The following POLDIP3 variants were observed in gnomAD, a reference collection of about 807,000 sequenced individuals.
POLDIP3 encodes DNA polymerase delta interacting protein 3.
POLDIP3 carries 14 observed loss-of-function variants against 45.1 expected under a neutral mutation model. The observed-to-expected ratio is 0.31, with a 90% CI of 0.20 to 0.49. POLDIP3 has a LOEUF of 0.49. POLDIP3 is among the 20% of genes least tolerant of loss of function. The probability of loss-of-function intolerance (pLI) is 0.99; values close to 1 mark genes in which losing one functional copy is unlikely to be tolerated. For synonymous variants in POLDIP3, 223 were observed against 205.2 expected (o/e 1.09, Z -0.74); for missense variants, 511 against 538.8 (o/e 0.95, Z 0.51).
rs1173295918 is a variant in POLDIP3, at chr22:42,585,907, C to T, written c.1150G>A (p.Ala384Thr). The T allele has an allele frequency of 4.3e-6, 7 of 1,613,280 alleles. No homozygotes were observed. The highest frequency in any genetic ancestry group is 1.3e-5 in the African/African-American group (1 of 74,878). ...TCGGCAGGGGGGTTGGAGGAGGAGG[C>T]AGAGTTCACCCTGCGAGGCAGCTCG... Reference protein sequence around the residue: ...ESELPRRVNSASSSNPPAEVD... With the variant: ...ESELPRRVNSTSSSNPPAEVD... The change falls in exon 9 of 9, where the codon GCC becomes ACC. Residue 384 changes from alanine to threonine, a missense_variant. This residue lies in a region of POLDIP3 where 45 missense variants were observed against 34.3 expected (regional missense o/e 1.31). Coordinates refer to ENST00000252115, the MANE Select transcript of POLDIP3 (RefSeq NM_032311.5).
intron 7 of POLDIP3, among the ~76,000 whole-genome samples, chr22:42,587,839 G>C (rs1423585459): frequency 6.6e-6 from 1 of 152,174 alleles, no homozygotes. Flanking sequence ...GGAAGTGAGG[G>C]AGAAACGAGA....
At position 42,585,919 on chromosome 22, in the gene POLDIP3, T is replaced by A; in HGVS notation, c.1138A>T (p.Arg380Trp). Residue 380 changes from arginine to tryptophan, a missense_variant, in exon 9 of 9, where the codon AGG (arginine) becomes TGG (tryptophan). Physicochemically the swap from Arg to Trp is moderately radical, Grantham distance 101 (BLOSUM62 -3). This residue lies in a region of POLDIP3 where 45 missense variants were observed against 34.3 expected (regional missense o/e 1.31). Coordinates refer to ENST00000252115, the MANE Select transcript of POLDIP3 (RefSeq NM_032311.5). ...SMKKESELPR[R>W]VNSASSSNPP... is the part of the protein sequence containing the mutation. Reference sequence around the variant, plus strand: ...TTGGAGGAGGAGGCAGAGTTCACCCTGCGAGGCAGCTCGCTCTCCTTTTTC... The same window carrying A: ...TTGGAGGAGGAGGCAGAGTTCACCCAGCGAGGCAGCTCGCTCTCCTTTTTC... 6.2e-7 allele frequency: 1 copy of A among 1,613,580 alleles called. No individual in the cohort carries two copies. The highest frequency in any genetic ancestry group is 1.1e-5 in the South Asian group (1 of 91,034).
intron 8 of POLDIP3, among the ~76,000 whole-genome samples, chr22:42,586,846 C>A (rs1226799409): frequency 6.6e-6 from 1 of 152,176 alleles, no homozygotes; most frequent in Admixed American, 6.5e-5. Context: ...ACAGTCTCAA[C>A]ATTTTATGCA....
chr22:42,612,436 C>T (rs894034350), intron 1 of POLDIP3, among the ~76,000 whole-genome samples: 13 of 152,212 alleles, frequency 8.5e-5, no homozygotes, highest in African/African-American at 3.1e-4. Context: ...CAGTGCTCAC[C>T]TATGCTCCAG....
At chr22:42,586,044 G>A in intron 8 of POLDIP3, 76 bp from the exon 9 acceptor site, 1 of 1,395,382 alleles carries the variant, frequency 7.2e-7, no homozygotes, top group Non-Finnish European at 9.7e-7. Context: ...CATTTACTGG[G>A]CATCTGTCAT....
At position 42,584,458 on chromosome 22, in the gene POLDIP3, T is replaced by C. The variant is rs1925170193; in HGVS notation, c.*1333A>G. 1 of 170,812 alleles carries C rather than the reference T, an allele frequency of 5.9e-6. No homozygotes were observed. Among genetic ancestry groups the C allele is most frequent in the Non-Finnish European group, 1.3e-5 (1 of 78,022 alleles). 10.6% of individuals were successfully genotyped at this position (170,812 alleles called of 1,614,324 possible). A position where few individuals can be genotyped will look rare whatever the true frequency, so the allele number is the denominator to read the frequency against. ...AAATCTTGGGAGCTCTTGAGTATCT[T>C]CGGCATGTGCCTTTTCCAGCACTTG... On this transcript the variant is annotated 3_prime_UTR_variant, in exon 9 of 9. Transcript: ENST00000252115.
At chr22:42,597,584 C>A in intron 4 of POLDIP3, 1 of 400,834 alleles carries the variant, frequency 2.5e-6, no homozygotes, top group Non-Finnish European at 5.1e-6. Flanking sequence ...CGAGGGTAAT[C>A]AACAGTACCC....
At chr22:42,598,543 G>A (rs947619500) in intron 4 of POLDIP3, among the ~76,000 whole-genome samples, 4 of 151,798 alleles carry the variant, frequency 2.6e-5, no homozygotes, top group Non-Finnish European at 5.9e-5. Context: ...GAGCCACCAC[G>A]CCCGAACTTT....
intron 7 of POLDIP3, among the ~76,000 whole-genome samples, chr22:42,589,230 G>C (rs1291833590): frequency 6.9e-6 from 1 of 145,052 alleles, no homozygotes; most frequent in Admixed American, 7.0e-5. Context: ...GCGACAGAGC[G>C]AGACTCCGTC....
rs753954047 is a variant in POLDIP3 at position 42,602,863 on chromosome 22, C to T, written c.357G>A (p.Glu119=). Residue 119 remains glutamate (E), a synonymous_variant, in exon 2 of 9, where the codon GAG becomes GAA. Coordinates refer to ENST00000252115, the MANE Select transcript of POLDIP3 (RefSeq NM_032311.5). The part of the protein sequence containing the change: ...QKPRQVADAR[E]KISLKRSSPA... ...GGGAACTCCTCTTCAAGCTGATCTT[C>T]TCCCGGGCATCAGCAACCTGGCGGG... is the stretch of plus-strand genomic sequence containing the variant. The T allele has an allele frequency of 1.2e-6, 2 of 1,613,658 alleles. No individual in the cohort carries two copies. The highest frequency in any genetic ancestry group is 1.7e-6 in the Non-Finnish European group (2 of 1,180,018).
At chr22:42,602,473 T>C (rs1183170435) in intron 2 of POLDIP3, among the ~76,000 whole-genome samples, 1 of 152,220 alleles carries the variant, frequency 6.6e-6, no homozygotes, top group East Asian at 1.9e-4. Flanking sequence ...ACATAGCATG[T>C]GCTCAATAAA....
chr22:42,596,122 T>C lies in POLDIP3; in HGVS notation c.813+64A>G. ...CACAAAGGCGTTGTGGGGAACACAA[T>C]GAGGTACATATAAGCATACAGCCCT... On this transcript the variant is annotated intron_variant, in intron 5 of 8. Coordinates refer to ENST00000252115, the MANE Select transcript of POLDIP3 (RefSeq NM_032311.5). The C allele has an allele frequency of 4.6e-6, 7 of 1,534,246 alleles. No individual in the cohort carries two copies. In the Admixed American group the frequency reaches 5.2e-5, roughly 11 times the overall value.
chr22:42,587,365 T>G, intron 8 of POLDIP3, 141 bp downstream of exon 8: 6 of 878,944 alleles, frequency 6.8e-6, no homozygotes, highest in Non-Finnish European at 1.1e-5. Flanking sequence ...AGTTTAAGCA[T>G]ATGAAACGGC....
In POLDIP3 at chr22:42,599,712, A is replaced by G; in HGVS notation, c.619T>C (p.Phe207Leu). Residue 207 changes from phenylalanine (F) to leucine (L), a missense_variant, in exon 4 of 9, where the codon TTT becomes CTT. Physicochemically the swap from Phe to Leu is conservative, Grantham distance 22. Transcript: ENST00000252115. ...AAATGCCATACCATGTGGTGGAGAA[A>G]GCCGCCTGAGGCTGCAAACTTCATC... ...KQMKFAASGGFLHHMAGLSSS... is the reference protein window; with the variant it reads ...KQMKFAASGGLLHHMAGLSSS... The G allele has an allele frequency of 1.9e-6, 3 of 1,608,588 alleles. No homozygotes were observed. Among genetic ancestry groups the G allele is most frequent in the Non-Finnish European group, 2.6e-6 (3 of 1,175,158 alleles).
chr22:42,595,453 C>T, intron 6 of POLDIP3, 84 bp downstream of exon 6: 1 of 1,234,638 alleles, frequency 8.1e-7, no homozygotes, highest in Non-Finnish European at 1.2e-6. Flanking sequence ...TCCTAGCAGT[C>T]ATCAAACCTG....
intron 8 of POLDIP3, 48 bp downstream of exon 8, chr22:42,587,458 G>C: frequency 1.3e-6 from 2 of 1,545,260 alleles, no homozygotes; most frequent in Non-Finnish European, 8.9e-7. Context: ...AGAACAAAAA[G>C]AGATGGACGG....
chr22:42,608,059 G>A (rs1220077487), intron 1 of POLDIP3, among the ~76,000 whole-genome samples: 1 of 152,264 alleles, frequency 6.6e-6, no homozygotes, highest in Admixed American at 6.5e-5. Context: ...TCTGGGAGGT[G>A]TACCCAACAG....
intron 7 of POLDIP3, among the ~76,000 whole-genome samples, chr22:42,588,328 G>A (rs1395516212): frequency 2.6e-5 from 4 of 151,930 alleles, no homozygotes; most frequent in Non-Finnish European, 4.4e-5. Context: ...GGTGGCGGGC[G>A]CCTGTAGTCC....
chr22:42,597,928 C>T (rs1244438536), intron 4 of POLDIP3, among the ~76,000 whole-genome samples: 2 of 151,670 alleles, frequency 1.3e-5, no homozygotes, highest in South Asian at 2.1e-4. Flanking sequence ...TACAGGCACG[C>T]GCCATCATGC....
Sources: gnomAD v4.1 joint callset for allele counts (sites outside exome capture counted in the v4.1 genomes callset) on GRCh38, gnomAD v4.1.1 for gene constraint, gnomAD v4.1.1 regional missense constraint, MANE v1.5 for transcripts, NCBI Gene and HGNC (gene_info 2026-07-23, HGNC 2026-07-21) for gene names.